The following EED variants were observed in gnomAD, a reference collection of about 807,000 sequenced individuals.
EED encodes embryonic ectoderm development, also known as polycomb protein EED.
In EED, 9 loss-of-function variants were observed where a neutral mutation model predicts 61.0. That is an observed-to-expected ratio of 0.15 (90% CI 0.09 to 0.26). EED has a LOEUF of 0.26. EED is among the 10% of genes least tolerant of loss of function. The pLI is 1.00. For synonymous variants in EED, 187 were observed against 174.4 expected (o/e 1.07, Z -0.57); for missense variants, 315 against 542.3 (o/e 0.58, Z 4.16).
chr11:86,277,782 C>A, intron 10 of EED, 136 bp from the exon 11 acceptor site: 2 of 692,968 alleles, frequency 2.9e-6, no homozygotes, highest in African/African-American at 1.9e-5. Flanking sequence ...GAGTATAAGA[C>A]CCAAAGAAAT....
chr11:86,285,245 C>T, the EED span, among the ~76,000 whole-genome samples: 43 of 152,126 alleles, frequency 2.8e-4, 1 homozygote, highest in South Asian at 7.9e-3. Context: ...CATAGCAAGA[C>T]GCTGTCTCTA....
At chr11:86,259,644 T>A (rs1260035541) in intron 6 of EED, among the ~76,000 whole-genome samples, 1 of 152,180 alleles carries the variant, frequency 6.6e-6, no homozygotes, top group East Asian at 1.9e-4. Context: ...CAAGAATTTT[T>A]ATAGCTCAAC....
the EED span, among the ~76,000 whole-genome samples, chr11:86,286,991 A>G: frequency 1.3e-4 from 19 of 150,262 alleles, no homozygotes; most frequent in South Asian, 3.1e-3. Context: ...AAAAAAAAAA[A>G]AAAGAAATAG....
intron 9 of EED, 137 bp downstream of exon 9, chr11:86,268,698 A>G (rs1367958365): frequency 2.0e-6 from 1 of 501,678 alleles, no homozygotes; most frequent in Non-Finnish European, 3.5e-6. Context: ...GCAGCTGGGA[A>G]GTTGCCTTTT....
chr11:86,278,507 C>T lies in EED; in HGVS notation c.1308C>T (p.Arg436=). 1 of 1,613,158 alleles carries T rather than the reference C, an allele frequency of 6.2e-7. No homozygotes were observed. The highest frequency in any genetic ancestry group is 8.5e-7 in the Non-Finnish European group (1 of 1,179,562). ...IAVCDDASIW[R]WDRLR ...TTTGTGATGATGCCAGTATTTGGCGCTGGGATCGACTTCGATAAAATACTT... is the reference window on the plus strand; with the variant it reads ...TTTGTGATGATGCCAGTATTTGGCGTTGGGATCGACTTCGATAAAATACTT... The change falls in exon 12 of 12, where the codon CGC becomes CGT. Residue 436 remains arginine, a synonymous_variant. Transcript: ENST00000263360.
At chr11:86,264,303 A>G (rs780735694) in intron 7 of EED, 40 bp downstream of exon 7, 6 of 1,451,086 alleles carry the variant, frequency 4.1e-6, no homozygotes, top group African/African-American at 1.4e-5. Context: ...TCAGGTTTAC[A>G]TAGCTGTGAA....
At chr11:86,250,721 A>G (rs186677729) in intron 2 of EED, among the ~76,000 whole-genome samples, 7 of 152,260 alleles carry the variant, frequency 4.6e-5, no homozygotes, top group Admixed American at 4.6e-4. Context: ...TCAAATTATA[A>G]GATTTGGGTA....
chr11:86,263,939 G>A (rs1945908943), intron 6 of EED: 1 of 490,914 alleles, frequency 2.0e-6, no homozygotes, highest in South Asian at 2.9e-5. Context: ...CTATTGCATT[G>A]GGGATTGAGT....
At chr11:86,265,487 G>A (rs1945951035) in intron 7 of EED, 1 of 152,082 alleles carries the variant, frequency 6.6e-6, no homozygotes, top group Admixed American at 6.5e-5. Flanking sequence ...TATGAAATGA[G>A]GTTGTTACAA....
chr11:86,285,993 T>C, the EED span, among the ~76,000 whole-genome samples: 1 of 152,112 alleles, frequency 6.6e-6, no homozygotes, highest in East Asian at 1.9e-4. Context: ...CACACAAGTA[T>C]TTTGTTCTTA....
In EED at chr11:86,255,230, G is replaced by A. The variant is rs757304060; in HGVS notation, c.369G>A (p.Leu123=). ...FATVGSNRVT[L]YECHSQGEIR... is the part of the protein sequence containing the mutation. ...ATTTTTATTTTCATTAGGTTACCTTGTATGAATGTCATTCACAAGGAGAAA... is the reference window on the plus strand; with the variant it reads ...ATTTTTATTTTCATTAGGTTACCTTATATGAATGTCATTCACAAGGAGAAA... Residue 123 remains leucine (L), a synonymous_variant, in exon 4 of 12, where the codon TTG becomes TTA. Transcript: ENST00000263360. 1.9e-6 allele frequency: 3 copies of A among 1,608,798 alleles called. No individual in the cohort carries two copies. Among genetic ancestry groups the A allele is most frequent in the Admixed American group, 3.3e-5 (2 of 59,946 alleles).
Position 86,245,217 on chromosome 11 carries a change from G to A in EED, c.-13G>A, listed in dbSNP as rs760817291. The A allele has an allele frequency of 4.9e-5, 79 of 1,609,616 alleles. 1 individual carries two copies. The highest frequency in any genetic ancestry group is 1.7e-4 in the Middle Eastern group (1 of 6,036). ...GCCCCAGGCGGCAGGAACCTGGAGG[G>A]AGGCGGAGGAATATGTCCGAGAGGG... is the stretch of plus-strand genomic sequence containing the variant. On this transcript the variant is annotated 5_prime_UTR_variant, in exon 1 of 12. Coordinates refer to ENST00000263360, the MANE Select transcript of EED (RefSeq NM_003797.5).
At chr11:86,278,195 A>G in intron 11 of EED, 5 of 1,320,094 alleles carry the variant, frequency 3.8e-6, no homozygotes, top group Non-Finnish European at 4.8e-6. Flanking sequence ...TCTTGTTTTT[A>G]TACAAATTAT....
intron 1 of EED, among the ~76,000 whole-genome samples, chr11:86,246,235 T>C (rs1945388533): frequency 6.6e-6 from 1 of 152,250 alleles, no homozygotes; most frequent in Admixed American, 6.5e-5. Flanking sequence ...TTTCATGTTT[T>C]AGGTTGATAA....
downstream of EED, among the ~76,000 whole-genome samples, chr11:86,280,412 T>C (rs1946309370): frequency 1.3e-5 from 2 of 152,146 alleles, no homozygotes; most frequent in Admixed American, 1.3e-4. Context: ...CCTCTCTCCT[T>C]TCCCTGAAAT....
In EED at chr11:86,278,449, G is replaced by A. The variant is rs1447185281; in HGVS notation, c.1250G>A (p.Ser417Asn). ...TGTGGTGCTGCTATTCGACAAACCAGTTTTAGCAGGGATAGCAGCATTCTT... is the reference window on the plus strand; with the variant it reads ...TGTGGTGCTGCTATTCGACAAACCAATTTTAGCAGGGATAGCAGCATTCTT... ...HKCGAAIRQT[S>N]FSRDSSILIA... Residue 417 changes from serine to asparagine, a missense_variant, in exon 12 of 12, where the codon AGT becomes AAT. Coordinates refer to ENST00000263360, the MANE Select transcript of EED (RefSeq NM_003797.5). The A allele has an allele frequency of 1.9e-6, 3 of 1,613,516 alleles. No individual in the cohort carries two copies. Among genetic ancestry groups the A allele is most frequent in the African/African-American group, 1.3e-5 (1 of 74,914 alleles).
At chr11:86,280,875 A>G (rs1224247913), downstream of EED, among the ~76,000 whole-genome samples, 5 of 152,226 alleles carry the variant, frequency 3.3e-5, no homozygotes, top group Non-Finnish European at 7.3e-5. Context: ...AGTTATCATG[A>G]AAGGGTGTTG....
intron 1 of EED, among the ~76,000 whole-genome samples, chr11:86,246,407 G>T (rs1258620176): frequency 1.3e-5 from 2 of 152,166 alleles, no homozygotes. Context: ...AGTTTGGCTA[G>T]TTTTAGGAAT....
chr11:86,270,761 A>G (rs1946095759), intron 9 of EED, among the ~76,000 whole-genome samples: 1 of 152,166 alleles, frequency 6.6e-6, no homozygotes. Context: ...TTCCATCAGC[A>G]TTTGTTGGAA....
Sources: allele counts gnomAD v4.1 joint callset (sites outside exome capture counted in the v4.1 genomes callset), GRCh38; gene constraint gnomAD v4.1.1; transcripts MANE v1.5; gene names NCBI Gene and HGNC (gene_info 2026-07-23, HGNC 2026-07-21).